The following JAKMIP3 variants were observed in gnomAD, a reference collection of about 807,000 sequenced individuals.
JAKMIP3 encodes Janus kinase and microtubule interacting protein 3, also known as janus kinase and microtubule-interacting protein 3.
Under a neutral mutation model 118.5 loss-of-function variants are expected in JAKMIP3, and 58 were observed. The ratio of observed to expected loss-of-function variants is 0.49; its 90% CI spans 0.40 to 0.61. The LOEUF (loss-of-function observed/expected upper bound fraction) is 0.61, where lower values mean the gene tolerates loss of function less well. JAKMIP3 is among the 20% of genes least tolerant of loss of function. The pLI, the probability that JAKMIP3 is intolerant of heterozygous loss-of-function variation, is 0.00. For synonymous variants in JAKMIP3, 486 were observed against 451.2 expected, an observed-to-expected ratio of 1.08 and a Z score of -0.98; for missense variants, 950 against 1,109.0, an observed-to-expected ratio of 0.86 and a Z score of 2.04.
Position 132,117,654 on chromosome 10 carries a change from AGGGTGCAGGCGTGGGCTC to A in JAKMIP3, c.633+84_633+101del. 1 of 1,191,294 alleles carries A rather than the reference AGGGTGCAGGCGTGGGCTC, an allele frequency of 8.4e-7. No homozygotes were observed. Among genetic ancestry groups the A allele is most frequent in the Admixed American group, 3.9e-5 (1 of 25,844 alleles). 73.8% of individuals were successfully genotyped at this position (1,191,294 alleles called of 1,614,324 possible). ...GAGGGTGCAGGGGCGGGCGTGGGCG[AGGGTGCAGGCGTGGGCTC>A]GGGGAGCACGCGGGCAGCACCGGCT... On this transcript the variant is annotated intron_variant, in intron 3 of 23. Coordinates refer to ENST00000684848, the MANE Select transcript of JAKMIP3 (RefSeq NM_001323087.2). This position sits in a 1 kb window ranked among gnomAD's most constrained non-coding sequence, Gnocchi z 8.6.
At chr10:132,162,781 T>TGTATTTTGGCTGCTGGGTTATTAG (rs1391555114) in intron 19 of JAKMIP3, among the ~76,000 whole-genome samples, 1 of 152,218 alleles carries the variant, frequency 6.6e-6, no homozygotes, top group Non-Finnish European at 1.5e-5. Context: ...TGGGTTATTA[T>TGTATTTTGGCTGCTGGGTTATTAG]GTATTTTGGC....
In JAKMIP3 at chr10:132,168,113, C is replaced by T. The variant is rs987323973; in HGVS notation, c.*183C>T. 23 of 1,288,350 alleles carry T rather than the reference C, an allele frequency of 1.8e-5. No homozygotes were observed. Among genetic ancestry groups the T allele is most frequent in the Admixed American group, 6.9e-5 (3 of 43,460 alleles). The allele number at this position is 1,288,350 out of a possible 1,614,324, so 79.8% of individuals were successfully genotyped here. A position where few individuals can be genotyped will look rare whatever the true frequency, so the allele number is the denominator to read the frequency against. ...GGCAGTGTGTGGGGCGTGGAGCTGC[C>T]GTCCACGTGGGATGTGCCAGAACTA... On this transcript the variant is annotated 3_prime_UTR_variant, in exon 23 of 24. Transcript: ENST00000684848.
At chr10:132,167,878 C>G (rs1336297112) in intron 22 of JAKMIP3, 75 bp from the exon 23 acceptor site, 4 of 1,158,374 alleles carry the variant, frequency 3.5e-6, no homozygotes, top group Admixed American at 2.4e-5. Flanking sequence ...TCGCCCCTCG[C>G]CCCTCGGCCC....
intron 23 of JAKMIP3, among the ~76,000 whole-genome samples, chr10:132,180,584 C>CGTGTGT (rs1485915300): frequency 2.0e-4 from 2 of 9,866 alleles, no homozygotes; most frequent in African/African-American, 9.1e-4. Context: ...TGTGTGCGTG[C>CGTGTGT]GCGTGTGTGT....
intron 19 of JAKMIP3, among the ~76,000 whole-genome samples, chr10:132,157,221 G>A (rs1292104344): frequency 6.6e-5 from 10 of 152,148 alleles, no homozygotes; most frequent in Admixed American, 5.9e-4. Flanking sequence ...CTTCTCTGAA[G>A]TGCGGGGTGT....
chr10:132,097,958 T>TCACTTC (rs2044210795), intron 1 of JAKMIP3, among the ~76,000 whole-genome samples: 1 of 51,928 alleles, frequency 1.9e-5, no homozygotes, highest in Non-Finnish European at 4.1e-5. Context: ...CCATCCCCTT[T>TCACTTC]CCCTTTCCTT....
chr10:132,054,500 G>T (rs371902109), intron 1 of JAKMIP3, among the ~76,000 whole-genome samples: 1 of 152,132 alleles, frequency 6.6e-6, no homozygotes, highest in Non-Finnish European at 1.5e-5. Context: ...GGCAGATATG[G>T]GGGGAGACAA....
chr10:132,062,742 A>G (rs1042694683), upstream of JAKMIP3, among the ~76,000 whole-genome samples: 4 of 152,246 alleles, frequency 2.6e-5, 1 homozygote, highest in Admixed American at 2.0e-4. Context: ...CATGAGACAG[A>G]GGGACCGAGG....
Position 132,051,272 on chromosome 10 carries a change from G to A in JAKMIP3, c.-138+14534G>A, listed in dbSNP as rs1002710200. Among the ~76,000 whole-genome samples the A allele has an allele frequency of 1.1e-4, 13 of 116,166 alleles. No individual in the cohort carries two copies. The East Asian group carries it at 2.0e-3, about 18-fold the overall frequency. The allele number at this position is 116,166 out of a possible 152,430, so 76.2% of individuals were successfully genotyped here. A position where few individuals can be genotyped will look rare whatever the true frequency, so the allele number is the denominator to read the frequency against. On this transcript the variant is annotated intron_variant, in intron 1 of 23. Transcript: ENST00000657785. ...GGTACCTGCCTGTCTTTCCTGGCAC[G>A]GTTGGTCTTAATTCCAGCCGTTCTG...
chr10:132,057,826 C>T (rs1344940491), intron 1 of JAKMIP3, among the ~76,000 whole-genome samples: 1 of 152,206 alleles, frequency 6.6e-6, no homozygotes, highest in Non-Finnish European at 1.5e-5. Context: ...TCCCTCAACC[C>T]AGCATGAATG....
chr10:132,097,794 A>C (rs1206918871), intron 1 of JAKMIP3, among the ~76,000 whole-genome samples: 3 of 151,468 alleles, frequency 2.0e-5, no homozygotes, highest in Admixed American at 2.0e-4. Flanking sequence ...ACTTCAGTGA[A>C]AATTTAGAAT....
At chr10:132,097,964 T>TGTC (rs1256521580) in intron 1 of JAKMIP3, among the ~76,000 whole-genome samples, 1 of 28,958 alleles carries the variant, frequency 3.5e-5, no homozygotes. Context: ...CCTTTCCCTT[T>TGTC]CCTTCCTTTT....
At chr10:132,046,753 C>T (rs1888123) in intron 1 of JAKMIP3, among the ~76,000 whole-genome samples, 135,235 of 152,258 alleles carry the variant, frequency 0.89, 60,252 homozygotes, top group East Asian at 1. Context: ...CTAAGGTTTT[C>T]TCAACCTAAG....
intron 19 of JAKMIP3, among the ~76,000 whole-genome samples, chr10:132,156,855 G>C (rs1306772176): frequency 6.6e-6 from 1 of 152,148 alleles, no homozygotes; most frequent in Non-Finnish European, 1.5e-5. Flanking sequence ...AGAAGGACAT[G>C]CATTTCTTTT....
rs746585740 is a variant in JAKMIP3 at position 132,112,326 on chromosome 10, T to A, written c.136-4751T>A. Among the ~76,000 whole-genome samples, 4 of 151,664 alleles carry A rather than the reference T, an allele frequency of 2.6e-5. No individual in the cohort carries two copies. The highest frequency in any genetic ancestry group is 5.9e-5 in the Non-Finnish European group (4 of 67,894). On this transcript the variant is annotated intron_variant, in intron 2 of 23. Coordinates refer to ENST00000684848, the MANE Select transcript of JAKMIP3 (RefSeq NM_001323087.2). The surrounding 1 kb of genome is among the most constrained non-coding windows in gnomAD (Gnocchi z 4.3). ...GTGGGAGATGCTGCCCAGAGAACAG[T>A]GCGAGGGGAGACGGGGCTGGGACCT...
chr10:132,147,749 C>T (rs2054920457), intron 13 of JAKMIP3, among the ~76,000 whole-genome samples: 1 of 152,232 alleles, frequency 6.6e-6, no homozygotes. Context: ...CCTGCCCAGC[C>T]CCACCCACCA....
intron 20 of JAKMIP3, 89 bp from the exon 21 acceptor site, chr10:132,164,581 G>GT (rs1475764940): frequency 2.2e-6 from 2 of 896,494 alleles, no homozygotes; most frequent in Non-Finnish European, 3.6e-6. Context: ...GCGACGATCT[G>GT]TTACCAAGGA....
chr10:132,142,719 C>T (rs933860987), intron 11 of JAKMIP3, among the ~76,000 whole-genome samples: 3 of 152,192 alleles, frequency 2.0e-5, no homozygotes, highest in East Asian at 1.9e-4. Context: ...TACTGAGGCT[C>T]GGAGGGGAAG....
chr10:132,059,194 C>T (rs746730394), intron 1 of JAKMIP3, among the ~76,000 whole-genome samples: 26 of 152,242 alleles, frequency 1.7e-4, no homozygotes, highest in African/African-American at 5.1e-4. Flanking sequence ...CCTTTCCTCC[C>T]GCTGAGCTTC....
Sources: gnomAD v4.1 joint callset for allele counts (sites outside exome capture counted in the v4.1 genomes callset) on GRCh38, gnomAD v4.1.1 for gene constraint, Gnocchi (gnomAD v3.1) non-coding constraint, MANE v1.5 for transcripts, NCBI Gene and HGNC (gene_info 2026-07-23, HGNC 2026-07-21) for gene names.